The following KCNQ3 variants were observed in gnomAD, a reference collection of about 807,000 sequenced individuals.
KCNQ3 encodes the protein potassium voltage-gated channel subfamily KQT member 3.
In KCNQ3, 30 loss-of-function variants were observed where a neutral mutation model predicts 92.5. That is an observed-to-expected ratio of 0.32 (90% CI 0.24 to 0.44). The LOEUF (loss-of-function observed/expected upper bound fraction) is 0.44, where lower values mean the gene tolerates loss of function less well. KCNQ3 is among the 20% of genes least tolerant of loss of function. The pLI, the probability that KCNQ3 is intolerant of heterozygous loss-of-function variation, is 1.00. For synonymous variants in KCNQ3, 450 were observed against 468.8 expected (o/e 0.96, Z 0.52); for missense variants, 913 against 1,140.3 (o/e 0.80, Z 2.87).
At chr8:132,453,083 C>T (rs950917037) in intron 1 of KCNQ3, among the ~76,000 whole-genome samples, 4 of 152,104 alleles carry the variant, frequency 2.6e-5, no homozygotes, top group African/African-American at 7.2e-5. Flanking sequence ...GTTAAGGGTG[C>T]GGTCTCTCGG....
At chr8:132,389,015 T>C (rs2130767149) in intron 1 of KCNQ3, among the ~76,000 whole-genome samples, 1 of 152,332 alleles carries the variant, frequency 6.6e-6, no homozygotes, top group Non-Finnish European at 1.5e-5. Flanking sequence ...ATTTGGCCTC[T>C]ACCTCACACC....
intron 1 of KCNQ3, among the ~76,000 whole-genome samples, chr8:132,312,477 T>C (rs1171682904): frequency 6.6e-6 from 1 of 151,288 alleles, no homozygotes; most frequent in Non-Finnish European, 1.5e-5. Flanking sequence ...ACAGAAACAA[T>C]ATGGGGGGCT....
chr8:132,346,643 ACT>A (rs1268811875), intron 1 of KCNQ3, among the ~76,000 whole-genome samples: 2 of 152,210 alleles, frequency 1.3e-5, no homozygotes, highest in African/African-American at 4.8e-5. Flanking sequence ...AACTCTGGAA[ACT>A]CTGAGCAAAC....
intron 1 of KCNQ3, among the ~76,000 whole-genome samples, chr8:132,440,982 T>C (rs916998131): frequency 6.6e-5 from 10 of 152,234 alleles, no homozygotes; most frequent in Non-Finnish European, 1.3e-4. Context: ...ATATCCGACC[T>C]GCACTTAACT....
At chr8:132,247,582 T>G (rs997618474) in intron 1 of KCNQ3, among the ~76,000 whole-genome samples, 4 of 151,000 alleles carry the variant, frequency 2.6e-5, no homozygotes, top group African/African-American at 9.8e-5. Flanking sequence ...AGGTCAGGAG[T>G]TTGAGACCAG....
intron 1 of KCNQ3, among the ~76,000 whole-genome samples, chr8:132,332,423 T>A (rs948343063): frequency 6.6e-6 from 1 of 152,202 alleles, no homozygotes; most frequent in Admixed American, 6.5e-5. Context: ...CTGCACACAG[T>A]AGGACAGTTC....
intron 1 of KCNQ3, among the ~76,000 whole-genome samples, chr8:132,460,832 T>A (rs377182384): frequency 1.4e-4 from 22 of 152,212 alleles, no homozygotes; most frequent in Admixed American, 3.9e-4. Flanking sequence ...CATTACGGAA[T>A]CACACAGAAT....
At chr8:132,399,268 G>A (rs1405645162) in intron 1 of KCNQ3, among the ~76,000 whole-genome samples, 2 of 152,200 alleles carry the variant, frequency 1.3e-5, no homozygotes, top group Non-Finnish European at 2.9e-5. Flanking sequence ...AGCAGCCTGA[G>A]CCTCAGCTTT....
At chr8:132,300,664 G>A (rs1425681080) in intron 1 of KCNQ3, among the ~76,000 whole-genome samples, 2 of 152,106 alleles carry the variant, frequency 1.3e-5, no homozygotes, top group African/African-American at 4.8e-5. Flanking sequence ...AAAACTACCT[G>A]GGCAAGTTAG....
At chr8:132,360,656 C>T (rs937061493) in intron 1 of KCNQ3, among the ~76,000 whole-genome samples, 2 of 152,200 alleles carry the variant, frequency 1.3e-5, no homozygotes, top group African/African-American at 4.8e-5. Flanking sequence ...TTCCAGGCCC[C>T]TCTGACATCT....
At chr8:132,312,204 C>T (rs1723802252) in intron 1 of KCNQ3, among the ~76,000 whole-genome samples, 1 of 152,188 alleles carries the variant, frequency 6.6e-6, no homozygotes, top group African/African-American at 2.4e-5. Context: ...TTTTAAGTCA[C>T]TCAGGTTGTG....
At chr8:132,462,151 A>G (rs1822074375) in intron 1 of KCNQ3, among the ~76,000 whole-genome samples, 1 of 151,804 alleles carries the variant, frequency 6.6e-6, no homozygotes, top group Non-Finnish European at 1.5e-5. Flanking sequence ...TAAATATACT[A>G]AAACCACTGA....
chr8:132,335,400 C>G (rs1818342355), intron 1 of KCNQ3, among the ~76,000 whole-genome samples: 1 of 152,044 alleles, frequency 6.6e-6, no homozygotes, highest in Non-Finnish European at 1.5e-5. Flanking sequence ...CATGATGGTC[C>G]CCAACTTCTC....
At position 132,129,375 on chromosome 8, in the gene KCNQ3, C is replaced by T. The variant is rs1245552106; in HGVS notation, c.2506G>A (p.Gly836Ser). ...WMREKRYLAE[G>S]ETDTDTDPFT... The stretch of plus-strand genomic sequence containing the variant: ...GGGTCCGTGTCTGTGTCCGTCTCAC[C>T]CTCGGCGAGGTACCGCTTCTCCCTC... The change falls in exon 15 of 15, where the codon GGT becomes AGT. Residue 836 changes from glycine (G) to serine (S), a missense_variant. By Grantham distance (56) the Gly-to-Ser change is moderately conservative. Transcript: ENST00000388996. This position sits in a 1 kb window ranked among gnomAD's most constrained non-coding sequence, Gnocchi z 5.9. 4 of 1,614,084 alleles carry T rather than the reference C, an allele frequency of 2.5e-6. No homozygotes were observed. Among genetic ancestry groups the T allele is most frequent in the Non-Finnish European group, 3.4e-6 (4 of 1,180,040 alleles).
At chr8:132,266,732 C>T (rs541943410) in intron 1 of KCNQ3, among the ~76,000 whole-genome samples, 1 of 152,262 alleles carries the variant, frequency 6.6e-6, no homozygotes, top group African/African-American at 2.4e-5. Flanking sequence ...GAACCCACTC[C>T]AGACTTTCTG....
chr8:132,168,713 G>A (rs1826211218), intron 8 of KCNQ3, among the ~76,000 whole-genome samples: 1 of 133,694 alleles, frequency 7.5e-6, no homozygotes, highest in African/African-American at 2.9e-5. Context: ...TGAGGATAAT[G>A]AATATGTGTG....
intron 1 of KCNQ3, among the ~76,000 whole-genome samples, chr8:132,275,713 G>C (rs1816306192): frequency 6.6e-6 from 1 of 152,154 alleles, no homozygotes; most frequent in Non-Finnish European, 1.5e-5. Flanking sequence ...AAGTAGCTGG[G>C]ACTACAGGCG....
chr8:132,471,472 T>C (rs1200136836), intron 1 of KCNQ3, among the ~76,000 whole-genome samples: 1 of 152,184 alleles, frequency 6.6e-6, no homozygotes, highest in Non-Finnish European at 1.5e-5. Context: ...AGATTAGATA[T>C]GATCAAGAAG....
chr8:132,186,931 T>TGAGAGA lies in KCNQ3; in HGVS notation c.387-751_387-750insTCTCTC, dbSNP rs1420781543. Among the ~76,000 whole-genome samples, 154 of 110,292 alleles carry TGAGAGA rather than the reference T, an allele frequency of 1.4e-3. 2 individuals are homozygous for TGAGAGA. The highest frequency in any genetic ancestry group is 4.4e-3 in the Admixed American group (46 of 10,436). The allele number at this position is 110,292 out of a possible 152,430, so 72.4% of individuals were successfully genotyped here. A position where few individuals can be genotyped will look rare whatever the true frequency, so the allele number is the denominator to read the frequency against. On this transcript the variant is annotated intron_variant, in intron 1 of 14. Coordinates refer to ENST00000388996, the MANE Select transcript of KCNQ3 (RefSeq NM_004519.4). ...GCGTGTGTGTGTGTGTGTGTGTGTG[T>TGAGAGA]GTGAGAGAGAGAGAGAGAGAGAGAC... is the stretch of plus-strand genomic sequence containing the variant.
Sources: gnomAD v4.1 joint callset for allele counts (sites outside exome capture counted in the v4.1 genomes callset) on GRCh38, gnomAD v4.1.1 for gene constraint, Gnocchi (gnomAD v3.1) non-coding constraint, MANE v1.5 for transcripts, NCBI Gene and HGNC (gene_info 2026-07-23, HGNC 2026-07-21) for gene names.